The following CSMD3 variants were observed in gnomAD, a reference collection of about 807,000 sequenced individuals.
CSMD3 encodes CUB and sushi domain-containing protein 3.
In CSMD3, 177 loss-of-function variants were observed where a neutral mutation model predicts 435.2. The ratio of observed to expected loss-of-function variants is 0.41; its 90% CI spans 0.36 to 0.46. CSMD3 has a LOEUF of 0.46. Ranked by LOEUF, CSMD3 falls within the 20% of genes least tolerant of loss-of-function variation. CSMD3 has a pLI of 0.34. For synonymous variants in CSMD3, 1,656 were observed against 1,520.5 expected, an observed-to-expected ratio of 1.09 and a Z score of -2.07; for missense variants, 4,265 against 4,504.6, an observed-to-expected ratio of 0.95 and a Z score of 1.52.
At chr8:112,304,348 T>G (rs1821213366) in intron 52 of CSMD3, among the ~76,000 whole-genome samples, 1 of 151,708 alleles carries the variant, frequency 6.6e-6, no homozygotes, top group Non-Finnish European at 1.5e-5. Context: ...CTCTCTGACT[T>G]TAATAGAATG....
intron 13 of CSMD3, among the ~76,000 whole-genome samples, chr8:112,706,954 T>A (rs555704714): frequency 1.3e-5 from 2 of 152,184 alleles, no homozygotes; most frequent in South Asian, 4.1e-4. Flanking sequence ...AACCTGTCTA[T>A]TTTTTAAACA....
In CSMD3 at chr8:112,503,795, T is replaced by C. The variant is rs764876386; in HGVS notation, c.5078A>G (p.Tyr1693Cys). 4.4e-6 allele frequency: 7 copies of C among 1,604,176 alleles called. No individual in the cohort carries two copies. Among genetic ancestry groups the C allele is most frequent in the Non-Finnish European group, 5.1e-6 (6 of 1,171,626 alleles). ...CATGGAATGTTCATATTTACCTTTG[T>C]ATTCTAGATGAAATCCAGTGTAACT... is the stretch of plus-strand genomic sequence containing the variant. The part of the protein sequence containing the change: ...SVSYTGFHLE[Y>C]KAKLRESCFD... Residue 1693 changes from tyrosine (Y) to cysteine (C), a missense_variant, in exon 30 of 71, where the codon TAC becomes TGC. Transcript: ENST00000297405.
At chr8:112,772,408 A>AT (rs2078141599) in intron 13 of CSMD3, among the ~76,000 whole-genome samples, 1 of 152,128 alleles carries the variant, frequency 6.6e-6, no homozygotes. Context: ...TGAAGGCAGC[A>AT]TGCTTGTTAA....
chr8:112,907,427 C>G (rs2082293477), intron 10 of CSMD3, among the ~76,000 whole-genome samples: 1 of 151,364 alleles, frequency 6.6e-6, no homozygotes, highest in East Asian at 1.9e-4. Flanking sequence ...TGGGTTGAAT[C>G]CCAGTTCCAG....
At chr8:112,809,592 T>C (rs1014819695) in intron 12 of CSMD3, among the ~76,000 whole-genome samples, 1 of 152,160 alleles carries the variant, frequency 6.6e-6, no homozygotes, top group Non-Finnish European at 1.5e-5. Context: ...ATGTTATTTG[T>C]TACACTACTT....
At chr8:112,814,262 T>A (rs550877428) in intron 12 of CSMD3, among the ~76,000 whole-genome samples, 30 of 152,170 alleles carry the variant, frequency 2.0e-4, no homozygotes, top group Non-Finnish European at 3.7e-4. Flanking sequence ...AAATAACTTG[T>A]AAATAGTTCT....
chr8:112,371,603 ACAAAGGATGGG>A (rs1470142327), intron 38 of CSMD3, among the ~76,000 whole-genome samples: 1 of 152,132 alleles, frequency 6.6e-6, no homozygotes, highest in Non-Finnish European at 1.5e-5. Context: ...AAAACAAATG[ACAAAGGATGGG>A]CACAGTGGGT....
chr8:113,384,787 C>G (rs1465732732), intron 1 of CSMD3, among the ~76,000 whole-genome samples: 1 of 152,148 alleles, frequency 6.6e-6, no homozygotes, highest in East Asian at 1.9e-4. Flanking sequence ...TTCTCTCCTC[C>G]TTTTTCTTTC....
At chr8:113,000,507 T>A (rs1411205316) in intron 6 of CSMD3, among the ~76,000 whole-genome samples, 1 of 152,068 alleles carries the variant, frequency 6.6e-6, no homozygotes, top group Non-Finnish European at 1.5e-5. Flanking sequence ...AATGCACATG[T>A]ATATGTTAAT....
chr8:112,495,915 T>C (rs1010932193), intron 30 of CSMD3, among the ~76,000 whole-genome samples: 3 of 151,094 alleles, frequency 2.0e-5, no homozygotes, highest in Admixed American at 6.6e-5. Context: ...TATAAATAGA[T>C]GTATATGTAT....
chr8:112,894,520 A>G (rs1163120180), intron 10 of CSMD3, among the ~76,000 whole-genome samples: 1 of 151,400 alleles, frequency 6.6e-6, no homozygotes, highest in Non-Finnish European at 1.5e-5. Context: ...CTTGAGACTT[A>G]TATGTTTAAG....
chr8:112,769,863 T>G lies in CSMD3; in HGVS notation c.1972+30299A>C, dbSNP rs2078069006. 3.3e-5 allele frequency among the ~76,000 whole-genome samples: 5 copies of G among 151,938 alleles called. No homozygotes were observed. In the South Asian group the frequency reaches 1.0e-3, roughly 31 times the overall value. On this transcript the variant is annotated intron_variant, in intron 13 of 70. Coordinates refer to ENST00000297405, the MANE Select transcript of CSMD3 (RefSeq NM_198123.2). ...AATATTTTTTCACACACATACATATTACTAAAATAAAGGGAATCTATGGCA... is the reference window on the plus strand; with the variant it reads ...AATATTTTTTCACACACATACATATGACTAAAATAAAGGGAATCTATGGCA...
chr8:113,342,180 T>C (rs1367755281), intron 1 of CSMD3, among the ~76,000 whole-genome samples: 1 of 152,114 alleles, frequency 6.6e-6, no homozygotes, highest in Admixed American at 6.6e-5. Context: ...TTAAACTGTG[T>C]CGGAAAGCCT....
chr8:113,359,737 T>C (rs1175996086), intron 1 of CSMD3, among the ~76,000 whole-genome samples: 1 of 152,238 alleles, frequency 6.6e-6, no homozygotes, highest in Non-Finnish European at 1.5e-5. Context: ...AAGTTTATAC[T>C]CTTGAAAAGA....
At chr8:113,380,118 T>C (rs150940254) in intron 1 of CSMD3, among the ~76,000 whole-genome samples, 2 of 152,322 alleles carry the variant, frequency 1.3e-5, no homozygotes, top group African/African-American at 2.4e-5. Flanking sequence ...AGGTTCTTTT[T>C]TTTAACCAGC....
At chr8:112,444,808 A>T (rs1815415063) in intron 32 of CSMD3, among the ~76,000 whole-genome samples, 1 of 152,232 alleles carries the variant, frequency 6.6e-6, no homozygotes, top group Non-Finnish European at 1.5e-5. Flanking sequence ...AAGAGTGTAC[A>T]CACTTGTCAT....
chr8:112,939,539 T>C (rs527394722), intron 9 of CSMD3, among the ~76,000 whole-genome samples: 3 of 152,140 alleles, frequency 2.0e-5, no homozygotes, highest in Non-Finnish European at 4.4e-5. Flanking sequence ...AAAAGAGCAA[T>C]AGAACTTAAA....
intron 25 of CSMD3, 42 bp downstream of exon 25, chr8:112,556,721 T>C: frequency 6.6e-7 from 1 of 1,507,464 alleles, no homozygotes; most frequent in Non-Finnish European, 9.2e-7. Context: ...TTGATAAAGT[T>C]TTCACAGAAA....
chr8:112,236,766 AT>A (rs1441088082), intron 67 of CSMD3, among the ~76,000 whole-genome samples: 1 of 152,142 alleles, frequency 6.6e-6, no homozygotes. Context: ...GTGTAGCTCT[AT>A]CTTTATTTGT....
Sources: gnomAD v4.1 joint callset for allele counts (sites outside exome capture counted in the v4.1 genomes callset) on GRCh38, gnomAD v4.1.1 for gene constraint, MANE v1.5 for transcripts, NCBI Gene and HGNC (gene_info 2026-07-23, HGNC 2026-07-21) for gene names.